Variants in OR2V2 observed in about 807,000 individuals in gnomAD.
OR2V2 encodes olfactory receptor family 2 subfamily V member 2.
For synonymous variants in OR2V2, 161 were observed against 151.3 expected (o/e 1.06, Z -0.47); for missense variants, 392 against 392.2 (o/e 1.00, Z 0.00).
In OR2V2 at chr5:181,156,073, T is replaced by TC. The variant is rs1561631532; in HGVS notation, c.*183_*184insC. Reference sequence around the variant, plus strand: ...TTCTTTCTTTCTTTCTTTCTTTCTTTTGTTCTTTCTTTCGTTCTTTCTTTC... The same window carrying TC: ...TTCTTTCTTTCTTTCTTTCTTTCTTTCTGTTCTTTCTTTCGTTCTTTCTTTC... On this transcript the variant is annotated 3_prime_UTR_variant, in exon 2 of 2. Coordinates refer to ENST00000641492, the MANE Select transcript of OR2V2 (RefSeq NM_206880.2). The TC allele has an allele frequency of 1.9e-3, 661 of 344,362 alleles. 14 individuals are homozygous for TC. In the South Asian group the frequency reaches 0.027, roughly 14 times the overall value. 21.3% of individuals were successfully genotyped at this position (344,362 alleles called of 1,614,324 possible). A position where few individuals can be genotyped will look rare whatever the true frequency, so the allele number is the denominator to read the frequency against.
At chr5:181,153,997 T>A (rs1212198074) in intron 1 of OR2V2, among the ~76,000 whole-genome samples, 2 of 152,190 alleles carry the variant, frequency 1.3e-5, no homozygotes, top group Admixed American at 1.3e-4. Context: ...AGTCATTGCT[T>A]CACCTCATTG....
chr5:181,151,829 T>C (rs1763194246), intron 1 of OR2V2, among the ~76,000 whole-genome samples: 1 of 151,140 alleles, frequency 6.6e-6, no homozygotes. Flanking sequence ...CTATGAAAAA[T>C]AAAAAATTAG....
Position 181,157,697 on chromosome 5 carries a change from A to G in OR2V2, c.*1807A>G, listed in dbSNP as rs1283585039. ...AATTAATTTAAGCTCTATAATATCA[A>G]ATATCTTTCTGTGTATTCTCCTCAT... is the stretch of plus-strand genomic sequence containing the variant. On this transcript the variant is annotated 3_prime_UTR_variant, in exon 2 of 2. Coordinates refer to ENST00000641492, the MANE Select transcript of OR2V2 (RefSeq NM_206880.2). The G allele has an allele frequency of 6.6e-6, 1 of 152,182 alleles. No homozygotes were observed. The highest frequency in any genetic ancestry group is 1.5e-5 in the Non-Finnish European group (1 of 68,026). 9.4% of individuals were successfully genotyped at this position (152,182 alleles called of 1,614,324 possible). A position where few individuals can be genotyped will look rare whatever the true frequency, so the allele number is the denominator to read the frequency against.
Position 181,147,821 on chromosome 5 carries a change from C to A in OR2V2, c.-199C>A, listed in dbSNP as rs931902452. ...CTGGAGGCTGAGGGTGCCGTGGGCT[C>A]CACAGCCCGATGAGTAGTCGGTGCG... On this transcript the variant is annotated 5_prime_UTR_variant, in exon 1 of 2. Coordinates refer to ENST00000641492, the MANE Select transcript of OR2V2 (RefSeq NM_206880.2). 4.2e-4 allele frequency: 164 copies of A among 393,632 alleles called. 1 individual carries two copies. The highest frequency in any genetic ancestry group is 3.2e-3 in the African/African-American group (153 of 48,524). 24.4% of individuals were successfully genotyped at this position (393,632 alleles called of 1,614,324 possible).
At position 181,150,911 on chromosome 5, in the gene OR2V2, G is replaced by A. The variant is rs765010068; in HGVS notation, c.-25+2916G>A. ...AGGATTACTTGAGCCCAGGAGGTGC[G>A]ACTTACAGTGAGAGCCTTGACTGCA... On this transcript the variant is annotated intron_variant, in intron 1 of 1. Transcript: ENST00000641492. Among the ~76,000 whole-genome samples the A allele has an allele frequency of 7.2e-5, 11 of 152,258 alleles. No individual in the cohort carries two copies. The South Asian group carries it at 1.9e-3, about 26-fold the overall frequency.
chr5:181,154,561 G>A (rs916515215), intron 1 of OR2V2, among the ~76,000 whole-genome samples: 3 of 148,730 alleles, frequency 2.0e-5, no homozygotes, highest in African/African-American at 5.1e-5. Flanking sequence ...CTGCACTCCA[G>A]CCTGGGCGAC....
chr5:181,156,604 C>A lies in OR2V2; in HGVS notation c.*714C>A. ...TACTAGAAGAAGACGTTGAGCTGAGCCTCCTAACTCTCCTTGCTAATGTTT... is the reference window on the plus strand; with the variant it reads ...TACTAGAAGAAGACGTTGAGCTGAGACTCCTAACTCTCCTTGCTAATGTTT... On this transcript the variant is annotated 3_prime_UTR_variant, in exon 2 of 2. Transcript: ENST00000641492. 1 of 152,182 alleles carries A rather than the reference C, an allele frequency of 6.6e-6. No individual in the cohort carries two copies. Among genetic ancestry groups the A allele is most frequent in the Non-Finnish European group, 1.5e-5 (1 of 68,046 alleles). 9.4% of individuals were successfully genotyped at this position (152,182 alleles called of 1,614,324 possible).
chr5:181,150,519 T>C (rs900772245), intron 1 of OR2V2, among the ~76,000 whole-genome samples: 2 of 152,142 alleles, frequency 1.3e-5, no homozygotes, highest in Admixed American at 1.3e-4. Context: ...TCCTCTGCTT[T>C]CGGAACATGG....
chr5:181,155,317 G>A lies in OR2V2; in HGVS notation c.375G>A (p.Val125=), dbSNP rs201187190. ...LLGLMAYDRY[V]AISHPLHYPI... is the part of the protein sequence containing the mutation. ...GACTCATGGCTTATGACCGCTATGT[G>A]GCCATTAGCCACCCACTTCACTATC... The change falls in exon 2 of 2, where the codon GTG becomes GTA. Residue 125 remains valine, a synonymous_variant. Coordinates refer to ENST00000641492, the MANE Select transcript of OR2V2 (RefSeq NM_206880.2). 5.6e-6 allele frequency: 9 copies of A among 1,614,110 alleles called. No homozygotes were observed. Among genetic ancestry groups the A allele is most frequent in the Non-Finnish European group, 1.7e-6 (2 of 1,180,024 alleles).
intron 1 of OR2V2, among the ~76,000 whole-genome samples, chr5:181,151,982 C>CAAAA (rs3044869): frequency 2.1e-5 from 2 of 93,376 alleles, no homozygotes; most frequent in Non-Finnish European, 4.8e-5. Flanking sequence ...GGCCCTGTCT[C>CAAAA]AAAAAAAAAA....
chr5:181,156,187 G>A lies in OR2V2; in HGVS notation c.*297G>A. 3.2e-6 allele frequency: 1 copy of A among 311,114 alleles called. No individual in the cohort carries two copies. The highest frequency in any genetic ancestry group is 5.9e-5 in the South Asian group (1 of 16,812). 19.3% of individuals were successfully genotyped at this position (311,114 alleles called of 1,614,324 possible). ...AGTGACACAATCTCGGCTTATAGCA[G>A]CCTTGATCTCCTGGGCTCAGGTGAG... On this transcript the variant is annotated 3_prime_UTR_variant, in exon 2 of 2. Transcript: ENST00000641492.
intron 1 of OR2V2, among the ~76,000 whole-genome samples, chr5:181,153,207 G>A (rs745828462): frequency 4.6e-5 from 7 of 152,172 alleles, no homozygotes; most frequent in Non-Finnish European, 7.3e-5. Context: ...ACTCAGAGTC[G>A]GAATACGGTG....
chr5:181,155,465 G>T lies in OR2V2; in HGVS notation c.523G>T (p.Val175Leu), dbSNP rs147476494. ...TTTCCCCTACTGTGGCTTGAGGAAGGTGAACCATTTCTTCTGTGAGATGCT... is the reference window on the plus strand; with the variant it reads ...TTTCCCCTACTGTGGCTTGAGGAAGTTGAACCATTTCTTCTGTGAGATGCT... ...MNFPYCGLRK[V>L]NHFFCEMLSL... Residue 175 changes from valine to leucine, a missense_variant, in exon 2 of 2, where the codon GTG (valine) becomes TTG (leucine). Coordinates refer to ENST00000641492, the MANE Select transcript of OR2V2 (RefSeq NM_206880.2). The T allele has an allele frequency of 3.1e-6, 5 of 1,614,220 alleles. No homozygotes were observed. In the African/African-American group the frequency reaches 5.3e-5, roughly 17 times the overall value.
intron 1 of OR2V2, among the ~76,000 whole-genome samples, chr5:181,152,810 A>G (rs1201046899): frequency 6.6e-6 from 1 of 152,244 alleles, no homozygotes; most frequent in Non-Finnish European, 1.5e-5. Context: ...AGGAGGGAAC[A>G]AGGTGCCAAC....
At chr5:181,150,301 G>A (rs1763177464) in intron 1 of OR2V2, among the ~76,000 whole-genome samples, 1 of 152,188 alleles carries the variant, frequency 6.6e-6, no homozygotes, top group African/African-American at 2.4e-5. Context: ...CAAAGAACAT[G>A]TCCTGTGGAA....
chr5:181,156,612 C>T lies in OR2V2; in HGVS notation c.*722C>T, dbSNP rs1483257612. 6.6e-6 allele frequency: 1 copy of T among 152,228 alleles called. No individual in the cohort carries two copies. The highest frequency in any genetic ancestry group is 1.5e-5 in the Non-Finnish European group (1 of 68,050). The allele number at this position is 152,228 out of a possible 1,614,324, so 9.4% of individuals were successfully genotyped here. On this transcript the variant is annotated 3_prime_UTR_variant, in exon 2 of 2. Transcript: ENST00000641492. ...GAAGACGTTGAGCTGAGCCTCCTAA[C>T]TCTCCTTGCTAATGTTTTATTCTGT... is the stretch of plus-strand genomic sequence containing the variant.
chr5:181,158,979 C>T lies in OR2V2; in HGVS notation c.*3089C>T, dbSNP rs1470533518. 1 of 152,018 alleles carries T rather than the reference C, an allele frequency of 6.6e-6. No homozygotes were observed. Among genetic ancestry groups the T allele is most frequent in the Non-Finnish European group, 1.5e-5 (1 of 68,008 alleles). The allele number at this position is 152,018 out of a possible 1,614,324, so 9.4% of individuals were successfully genotyped here. A position where few individuals can be genotyped will look rare whatever the true frequency, so the allele number is the denominator to read the frequency against. ...TGAAGCCAGGCATGGTGGCTCATTC[C>T]TATAATCCCAGCTGATAATGGGGAG... On this transcript the variant is annotated 3_prime_UTR_variant, in exon 2 of 2. Coordinates refer to ENST00000641492, the MANE Select transcript of OR2V2 (RefSeq NM_206880.2).
At position 181,156,319 on chromosome 5, in the gene OR2V2, T is replaced by C. The variant is rs2113349875; in HGVS notation, c.*429T>C. On this transcript the variant is annotated 3_prime_UTR_variant, in exon 2 of 2. Transcript: ENST00000641492. ...TTGTTGTAGAGACAATGTTTTACTA[T>C]GTTGCCCAGGCTGGTCTCGAACTCC... 1 of 160,462 alleles carries C rather than the reference T, an allele frequency of 6.2e-6. No individual in the cohort carries two copies. Among genetic ancestry groups the C allele is most frequent in the South Asian group, 1.8e-4 (1 of 5,478 alleles). The allele number at this position is 160,462 out of a possible 1,614,324, so 9.9% of individuals were successfully genotyped here. A position where few individuals can be genotyped will look rare whatever the true frequency, so the allele number is the denominator to read the frequency against.
Position 181,157,942 on chromosome 5 carries a change from TC to T in OR2V2, c.*2054del, listed in dbSNP as rs1375094373. ...TAGAGCAAACTTAATCCAGCCCCCT[TC>T]CGTGATGCAGAATTTTGGATCATAA... On this transcript the variant is annotated 3_prime_UTR_variant, in exon 2 of 2. Coordinates refer to ENST00000641492, the MANE Select transcript of OR2V2 (RefSeq NM_206880.2). 1.3e-5 allele frequency: 2 copies of T among 152,210 alleles called. No individual in the cohort carries two copies. The highest frequency in any genetic ancestry group is 1.3e-4 in the Admixed American group (2 of 15,284). The allele number at this position is 152,210 out of a possible 1,614,324, so 9.4% of individuals were successfully genotyped here.
Sources: allele counts gnomAD v4.1 joint callset (sites outside exome capture counted in the v4.1 genomes callset), GRCh38; gene constraint gnomAD v4.1.1; transcripts MANE v1.5; gene names NCBI Gene and HGNC (gene_info 2026-07-23, HGNC 2026-07-21).